The following PCM1 variants were observed in gnomAD, a reference collection of about 807,000 sequenced individuals.
PCM1 encodes pericentriolar material 1 protein.
Under a neutral mutation model 241.9 loss-of-function variants are expected in PCM1, and 157 were observed. That is an observed-to-expected ratio of 0.65 (90% CI 0.57 to 0.74). The LOEUF is 0.74. PCM1 is among the 30% of genes least tolerant of loss of function. PCM1 has a pLI of 0.00. For missense variants in PCM1, 3,478 were observed against 2,360.1 expected (o/e 1.47, Z -9.81); for synonymous variants, 1,085 against 784.9 (o/e 1.38, Z -6.39).
At chr8:17,947,123 T>G in intron 6 of PCM1, 63 bp from the exon 7 acceptor site, 9 of 1,023,270 alleles carry the variant, frequency 8.8e-6, no homozygotes, top group Non-Finnish European at 1.2e-5. Flanking sequence ...TTGCCATTGA[T>G]AATTGAAACC....
chr8:17,972,543 C>A lies in PCM1; in HGVS notation c.3799C>A (p.Pro1267Thr), dbSNP rs764292205. The A allele has an allele frequency of 3.1e-6, 5 of 1,613,778 alleles. No individual in the cohort carries two copies. The South Asian group carries it at 4.4e-5, about 14-fold the overall frequency. The change falls in exon 23 of 39, where the codon CCA (proline) becomes ACA (threonine). Residue 1267 changes from proline to threonine, a missense_variant. Pro to Thr is a conservative substitution (Grantham distance 38, BLOSUM62 -1). Coordinates refer to ENST00000325083, the MANE Select transcript of PCM1 (RefSeq NM_006197.4). ...GGAAAGCTTTAGCAGTATGCCTGAT[C>A]CAGTAGATCCAACAACAGTGACTAA... The part of the protein sequence containing the change: ...SLESFSSMPD[P>T]VDPTTVTKTF...
chr8:18,014,320 A>AT (rs71215294), intron 35 of PCM1, among the ~76,000 whole-genome samples: 6,880 of 151,800 alleles, frequency 0.045, 181 homozygotes, highest in East Asian at 0.07. Flanking sequence ...TTAAAAAAAA[A>AT]ATCTATTTGT....
At chr8:18,003,378 G>T (rs567219188) in intron 29 of PCM1, among the ~76,000 whole-genome samples, 1 of 152,258 alleles carries the variant, frequency 6.6e-6, no homozygotes, top group Non-Finnish European at 1.5e-5. Flanking sequence ...GCTTGGTCTG[G>T]CCTCTTAAGC....
At chr8:17,993,657 T>TAGAAG in intron 29 of PCM1, 38 bp downstream of exon 29, 1 of 1,520,438 alleles carries the variant, frequency 6.6e-7, no homozygotes, top group Non-Finnish European at 8.9e-7. Context: ...AAACCTTCTA[T>TAGAAG]GTTTTGTTTT....
chr8:17,981,129 T>C (rs373255708), intron 24 of PCM1, among the ~76,000 whole-genome samples: 1 of 152,204 alleles, frequency 6.6e-6, no homozygotes, highest in Non-Finnish European at 1.5e-5. Flanking sequence ...GGAACGTACA[T>C]GGCCATCAGG....
At chr8:18,003,226 C>G (rs540245714) in intron 29 of PCM1, among the ~76,000 whole-genome samples, 2 of 152,300 alleles carry the variant, frequency 1.3e-5, no homozygotes, top group South Asian at 4.1e-4. Flanking sequence ...ATTGTAGACA[C>G]TCAGTAAACA....
rs1407349499 is a variant in PCM1 at position 17,991,546 on chromosome 8, C to CA, written c.4537dup (p.Thr1513AsnfsTer16). On this transcript the variant is annotated frameshift_variant, in exon 28 of 39. Transcript: ENST00000325083. LOFTEE classifies it high-confidence loss of function. ...ATATTTTTGTTCCAAATGTAGGTAACACCGTGATTCACTTAGATCAAGCAT... is the reference window on the plus strand; with the variant it reads ...ATATTTTTGTTCCAAATGTAGGTAACAACCGTGATTCACTTAGATCAAGCAT... 6.3e-7 allele frequency: 1 copy of CA among 1,597,414 alleles called. No individual in the cohort carries two copies. The highest frequency in any genetic ancestry group is 8.5e-7 in the Non-Finnish European group (1 of 1,171,196).
intron 4 of PCM1, among the ~76,000 whole-genome samples, chr8:17,938,271 C>T (rs537453955): frequency 6.6e-5 from 10 of 152,186 alleles, no homozygotes; most frequent in African/African-American, 9.6e-5. Flanking sequence ...AACTTTGTTT[C>T]GTGCACAAAA....
chr8:17,953,463 A>G (rs528703644), intron 9 of PCM1, among the ~76,000 whole-genome samples: 1 of 152,296 alleles, frequency 6.6e-6, no homozygotes, highest in South Asian at 2.1e-4. Flanking sequence ...AGAGAAGGCA[A>G]CTGTTTGATA....
chr8:18,023,035 G>A (rs972691485), intron 36 of PCM1, among the ~76,000 whole-genome samples: 2 of 152,136 alleles, frequency 1.3e-5, no homozygotes, highest in Non-Finnish European at 2.9e-5. Context: ...CTACCTGGCA[G>A]TGTGCAGATG....
At chr8:18,023,376 T>C (rs2093915391) in intron 36 of PCM1, among the ~76,000 whole-genome samples, 1 of 152,176 alleles carries the variant, frequency 6.6e-6, no homozygotes, top group Non-Finnish European at 1.5e-5. Context: ...GATCGCTTTT[T>C]CTTTAGCTGG....
chr8:18,024,164 T>G (rs1393950953), intron 36 of PCM1, among the ~76,000 whole-genome samples: 5 of 152,166 alleles, frequency 3.3e-5, no homozygotes, highest in African/African-American at 1.2e-4. Flanking sequence ...AAAAGGAGTT[T>G]GAGAGCAACC....
In PCM1 at chr8:18,028,520, T is replaced by C. The variant is rs544005269; in HGVS notation, c.*858T>C. 3.3e-4 allele frequency: 67 copies of C among 201,150 alleles called. No individual in the cohort carries two copies. The South Asian group carries it at 0.012, about 37-fold the overall frequency. 12.5% of individuals were successfully genotyped at this position (201,150 alleles called of 1,614,324 possible). On this transcript the variant is annotated 3_prime_UTR_variant, in exon 39 of 39. Transcript: ENST00000325083. The stretch of plus-strand genomic sequence containing the variant: ...ATTTCTGTAATAGTAAGATTCTGTA[T>C]GCCTTCAGATAAACTTGCCTATTGA...
chr8:18,017,185 C>G (rs1051365452), intron 36 of PCM1, among the ~76,000 whole-genome samples: 1 of 152,098 alleles, frequency 6.6e-6, no homozygotes, highest in Non-Finnish European at 1.5e-5. Flanking sequence ...GGTCTTTCCA[C>G]AAAAGATTGA....
chr8:17,994,883 A>G (rs1221425393), intron 29 of PCM1, among the ~76,000 whole-genome samples: 2 of 151,308 alleles, frequency 1.3e-5, no homozygotes, highest in East Asian at 1.9e-4. Context: ...TTAGATTATT[A>G]GATTTTTTCC....
intron 7 of PCM1, among the ~76,000 whole-genome samples, chr8:17,949,611 C>A (rs985344554): frequency 6.6e-6 from 1 of 151,996 alleles, no homozygotes; most frequent in African/African-American, 2.4e-5. Context: ...GATTCTCTCA[C>A]CCCAGCCTCC....
At position 17,964,992 on chromosome 8, in the gene PCM1, T is replaced by C. The variant is rs191243795; in HGVS notation, c.2855+224T>C. 3.5e-3 allele frequency among the ~76,000 whole-genome samples: 530 copies of C among 152,284 alleles called. 4 individuals carry two copies. Among genetic ancestry groups the C allele is most frequent in the Admixed American group, 9.4e-3 (143 of 15,286 alleles). On this transcript the variant is annotated intron_variant, in intron 18 of 38. Coordinates refer to ENST00000325083, the MANE Select transcript of PCM1 (RefSeq NM_006197.4). ...CAATTTCAACTGCTTGGTCCCCACG[T>C]TACCCACACTTCTGTGCAACATGGC...
rs768985760 is a variant in PCM1, at chr8:17,969,665, C to G, written c.3501C>G (p.Ala1167=). The change falls in exon 22 of 39, where the codon GCC becomes GCG. Residue 1167 remains alanine, a synonymous_variant. Coordinates refer to ENST00000325083, the MANE Select transcript of PCM1 (RefSeq NM_006197.4). Reference sequence around the variant, plus strand: ...CCAGTGAACAGCAGCAACCCTTAGCCCAGAATTCTTCAGGAAAAACAGAAT... The same window carrying G: ...CCAGTGAACAGCAGCAACCCTTAGCGCAGAATTCTTCAGGAAAAACAGAAT... ...STPSEQQQPL[A]QNSSGKTEYM... The G allele has an allele frequency of 8.7e-6, 14 of 1,612,968 alleles. No individual in the cohort carries two copies. Among genetic ancestry groups the G allele is most frequent in the Middle Eastern group, 1.7e-4 (1 of 6,060 alleles).
At chr8:17,957,889 T>A (rs1340638804) in intron 13 of PCM1, 114 bp downstream of exon 13, 1 of 701,038 alleles carries the variant, frequency 1.4e-6, no homozygotes. Context: ...TTATGTATCA[T>A]ATGTGAGGTT....
Sources: allele counts gnomAD v4.1 joint callset (sites outside exome capture counted in the v4.1 genomes callset), GRCh38; gene constraint gnomAD v4.1.1; transcripts MANE v1.5; gene names NCBI Gene and HGNC (gene_info 2026-07-23, HGNC 2026-07-21).